The following SLFN12L variants were observed in gnomAD, a reference collection of about 807,000 sequenced individuals.
SLFN12L encodes schlafen family member 12-like.
Under a neutral mutation model 34.8 loss-of-function variants are expected in SLFN12L, and 34 were observed. The ratio of observed to expected loss-of-function variants is 0.98; its 90% confidence interval spans 0.74 to 1.30. The LOEUF (loss-of-function observed/expected upper bound fraction) is 1.30, where lower values mean the gene tolerates loss of function less well. Among genes scored for constraint, SLFN12L ranks in the 50% most tolerant of loss-of-function variants. The probability of loss-of-function intolerance (pLI) is 0.00; values close to 1 mark genes in which losing one functional copy is unlikely to be tolerated. For missense variants in SLFN12L, 703 were observed against 696.2 expected, an observed-to-expected ratio of 1.01 and a Z score of -0.11; for synonymous variants, 259 against 247.5, an observed-to-expected ratio of 1.05 and a Z score of -0.44.
chr17:35,512,416 A>G (rs1280742325), intron 2 of SLFN12L, among the ~76,000 whole-genome samples: 1 of 130,640 alleles, frequency 7.7e-6, no homozygotes, highest in Admixed American at 9.6e-5. Context: ...CCCAGGCTGG[A>G]GTGCAGTGGC....
At chr17:35,495,798 C>T (rs1915036827) in intron 2 of SLFN12L, among the ~76,000 whole-genome samples, 2 of 151,880 alleles carry the variant, frequency 1.3e-5, no homozygotes, top group South Asian at 2.1e-4. Flanking sequence ...CCTTCGCGCC[C>T]ACTAACAACT....
chr17:35,487,241 G>C (rs551014156), intron 2 of SLFN12L, among the ~76,000 whole-genome samples: 2 of 152,260 alleles, frequency 1.3e-5, no homozygotes, highest in African/African-American at 4.8e-5. Flanking sequence ...GCGCCCGGCC[G>C]CCCTGCGGCT....
chr17:35,490,330 A>T (rs1376933970), intron 2 of SLFN12L: 3 of 1,410,004 alleles, frequency 2.1e-6, no homozygotes, highest in Non-Finnish European at 3.0e-6. Context: ...CAAAAACTCC[A>T]AAATCTACCT....
Position 35,473,488 on chromosome 17 carries a change from C to T in SLFN12L, c.*1435G>A, listed in dbSNP as rs1913842651. On this transcript the variant is annotated 3_prime_UTR_variant, in exon 5 of 5. Coordinates refer to ENST00000628453, the MANE Select transcript of SLFN12L (RefSeq NM_001363830.2). ...GTGTTTGTTGAATCAGCCTTGCATC[C>T]CAGGGATGAGGCCCACTTGATCGTG... Among the ~76,000 whole-genome samples, 2 of 152,104 alleles carry T rather than the reference C, an allele frequency of 1.3e-5. No homozygotes were observed.
In SLFN12L at chr17:35,474,984, A is replaced by G. The variant is rs1567640096; in HGVS notation, c.1778T>C (p.Phe593Ser). 6.4e-7 allele frequency: 1 copy of G among 1,560,252 alleles called. No individual in the cohort carries two copies. The highest frequency in any genetic ancestry group is 8.7e-7 in the Non-Finnish European group (1 of 1,151,184). ...ILPKENQIFL[F>S]VCLFRFCLFV... is the part of the protein sequence containing the mutation. Reference sequence around the variant, plus strand: ...CAAACAAAAACGAAACAAACAAACAAACAAAAAGATTTGATTCTCCTTAGG... The same window carrying G: ...CAAACAAAAACGAAACAAACAAACAGACAAAAAGATTTGATTCTCCTTAGG... Residue 593 changes from phenylalanine to serine, a missense_variant, in exon 5 of 5, where the codon TTT becomes TCT. Physicochemically the swap from Phe to Ser is radical, Grantham distance 155. Coordinates refer to ENST00000628453, the MANE Select transcript of SLFN12L (RefSeq NM_001363830.2).
At chr17:35,489,580 A>C (rs1350501972) in intron 2 of SLFN12L, among the ~76,000 whole-genome samples, 1 of 152,062 alleles carries the variant, frequency 6.6e-6, no homozygotes, top group Non-Finnish European at 1.5e-5. Flanking sequence ...TATATATGTA[A>C]AATGAATGCA....
At chr17:35,502,747 A>G (rs1915343237) in intron 2 of SLFN12L, among the ~76,000 whole-genome samples, 1 of 152,252 alleles carries the variant, frequency 6.6e-6, no homozygotes, top group South Asian at 2.1e-4. Flanking sequence ...CATGTATTAT[A>G]GTAACCTGTA....
At chr17:35,508,048 C>G (rs1483799025) in intron 2 of SLFN12L, among the ~76,000 whole-genome samples, 1 of 152,178 alleles carries the variant, frequency 6.6e-6, no homozygotes, top group Non-Finnish European at 1.5e-5. Context: ...AAGATCAACC[C>G]CTGACCTAAT....
At position 35,465,363 on chromosome 17, in the gene SLFN12L, T is replaced by C. The variant is rs187537287; in HGVS notation, c.*9560A>G. The stretch of plus-strand genomic sequence containing the variant: ...TTAAAAATAGCTATGCCTTATTTTA[T>C]ATCTTGATTGAATTGCTCATAGTTG... On this transcript the variant is annotated 3_prime_UTR_variant, in exon 5 of 5. Transcript: ENST00000628453. Among the ~76,000 whole-genome samples the C allele has an allele frequency of 1.3e-5, 2 of 152,146 alleles. No homozygotes were observed. The highest frequency in any genetic ancestry group is 2.9e-5 in the Non-Finnish European group (2 of 68,034).
At chr17:35,514,842 T>A (rs1915762868) in intron 2 of SLFN12L, 1 of 398,484 alleles carries the variant, frequency 2.5e-6, no homozygotes, top group Non-Finnish European at 4.9e-6. Context: ...GTCAGAAGCA[T>A]CTGGATCACT....
In SLFN12L at chr17:35,478,145, A is replaced by G; in HGVS notation, c.1206T>C (p.Pro402=). Residue 402 remains proline (P), a synonymous_variant, in exon 4 of 5, where the codon CCT becomes CCC. Transcript: ENST00000628453. The part of the protein sequence containing the change: ...ELPSPASTSS[P]VSQSYPLREY... ...CACGAAGAGGATAACTCTGGGAGAC[A>G]GGTGATGATGTACTTGCTGGAGAGG... The G allele has an allele frequency of 1.9e-6, 3 of 1,545,848 alleles. No individual in the cohort carries two copies. Among genetic ancestry groups the G allele is most frequent in the Non-Finnish European group, 2.6e-6 (3 of 1,142,222 alleles).
intron 2 of SLFN12L, chr17:35,480,605 GC>G (rs1302149706): frequency 1.3e-5 from 2 of 155,566 alleles, no homozygotes; most frequent in Admixed American, 6.5e-5. Context: ...AATAATTTTA[GC>G]TTTTACATTC....
At chr17:35,535,346 T>A (rs1039762101) in intron 1 of SLFN12L, among the ~76,000 whole-genome samples, 2 of 151,156 alleles carry the variant, frequency 1.3e-5, no homozygotes, top group Non-Finnish European at 3.0e-5. Context: ...ATGTGCCACC[T>A]TGCCTAGCTA....
intron 2 of SLFN12L, among the ~76,000 whole-genome samples, chr17:35,521,333 T>C (rs914729783): frequency 4.6e-5 from 7 of 152,200 alleles, no homozygotes; most frequent in African/African-American, 1.7e-4. Context: ...TTGTGAAAAG[T>C]GAACCACAGT....
rs143754776 is a variant in SLFN12L, at chr17:35,494,238, A to G, written c.87-14043T>C. Among the ~76,000 whole-genome samples the G allele has an allele frequency of 6.0e-5, 9 of 149,122 alleles. No homozygotes were observed. The East Asian group carries it at 1.7e-3, about 29-fold the overall frequency. Reference sequence around the variant, plus strand: ...ATATGTAATATAATGTAAAAAAAAAACAACAAAAAAGCTTTTATGATGGAT... The same window carrying G: ...ATATGTAATATAATGTAAAAAAAAAGCAACAAAAAAGCTTTTATGATGGAT... On this transcript the variant is annotated intron_variant, in intron 2 of 4. Coordinates refer to ENST00000628453, the MANE Select transcript of SLFN12L (RefSeq NM_001363830.2).
intron 2 of SLFN12L, among the ~76,000 whole-genome samples, chr17:35,497,039 G>C (rs570256266): frequency 6.6e-6 from 1 of 152,222 alleles, no homozygotes; most frequent in Non-Finnish European, 1.5e-5. Flanking sequence ...GGCCAAAGCG[G>C]GAGGATTGCT....
chr17:35,533,566 T>G (rs1040111846), intron 1 of SLFN12L, among the ~76,000 whole-genome samples: 3 of 152,140 alleles, frequency 2.0e-5, no homozygotes, highest in African/African-American at 7.2e-5. Context: ...AACATTTGAG[T>G]TAAGATCTGA....
At chr17:35,494,380 GA>G (rs778093410) in intron 2 of SLFN12L, among the ~76,000 whole-genome samples, 2 of 151,816 alleles carry the variant, frequency 1.3e-5, no homozygotes, top group Admixed American at 6.6e-5. Flanking sequence ...GATTTTTTAA[GA>G]AAAAAAGAAA....
intron 1 of SLFN12L, among the ~76,000 whole-genome samples, chr17:35,527,566 G>A (rs976430311): frequency 1.3e-5 from 2 of 152,110 alleles, no homozygotes; most frequent in African/African-American, 4.8e-5. Flanking sequence ...ATCAATAAAC[G>A]TAATCCATCA....
Sources: allele counts gnomAD v4.1 joint callset (sites outside exome capture counted in the v4.1 genomes callset), GRCh38; gene constraint gnomAD v4.1.1; transcripts MANE v1.5; gene names NCBI Gene and HGNC (gene_info 2026-07-23, HGNC 2026-07-21).